Variants in AXDND1 observed in about 807,000 individuals in gnomAD.
The protein encoded by AXDND1 is axonemal dynein light chain domain containing 1.
AXDND1 carries 110 observed loss-of-function variants against 137.5 expected under a neutral mutation model. That is an observed-to-expected ratio of 0.80 (90% CI 0.69 to 0.94). The LOEUF is 0.94. Ranked by LOEUF, AXDND1 falls within the 40% of genes least tolerant of loss-of-function variation. The pLI is 0.00. For missense variants in AXDND1, 1,191 were observed against 1,169.8 expected, an observed-to-expected ratio of 1.02 and a Z score of -0.26; for synonymous variants, 414 against 399.7, an observed-to-expected ratio of 1.04 and a Z score of -0.43.
At chr1:179,404,491 GA>G (rs56804815) in intron 11 of AXDND1, among the ~76,000 whole-genome samples, 52,972 of 151,922 alleles carry the variant, frequency 0.35, 9,418 homozygotes, top group Middle Eastern at 0.44. Flanking sequence ...CAAAGTGCTG[GA>G]ATTACAGGTG....
chr1:179,471,942 T>A (rs1663990998), intron 17 of AXDND1, among the ~76,000 whole-genome samples: 1 of 152,034 alleles, frequency 6.6e-6, no homozygotes, highest in South Asian at 2.1e-4. Flanking sequence ...CCACCCAGAC[T>A]GGAGTGCAGT....
chr1:179,415,337 A>G (rs1654536508), intron 12 of AXDND1, among the ~76,000 whole-genome samples: 1 of 152,288 alleles, frequency 6.6e-6, no homozygotes, highest in East Asian at 1.9e-4. Flanking sequence ...GCGAGACTGC[A>G]TCTCAAAAAA....
At chr1:179,532,652 G>A (rs571748177) in intron 23 of AXDND1, among the ~76,000 whole-genome samples, 8 of 152,276 alleles carry the variant, frequency 5.3e-5, no homozygotes, top group Admixed American at 3.3e-4. Flanking sequence ...GGAGGCTGAG[G>A]CAGGAGGATC....
intron 16 of AXDND1, among the ~76,000 whole-genome samples, chr1:179,466,261 TTTTC>T (rs1200747172): frequency 6.7e-6 from 1 of 149,734 alleles, no homozygotes; most frequent in Admixed American, 6.7e-5. Flanking sequence ...TCCTCTTTTC[TTTTC>T]TTTCTTTCTT....
intron 16 of AXDND1, chr1:179,457,025 A>G: frequency 1.3e-6 from 2 of 1,547,052 alleles, no homozygotes; most frequent in Non-Finnish European, 1.8e-6. Flanking sequence ...TATCTTTTTC[A>G]CAGTTAAGTG....
At chr1:179,389,803 T>C (rs1238112417) in intron 9 of AXDND1, among the ~76,000 whole-genome samples, 2 of 152,182 alleles carry the variant, frequency 1.3e-5, no homozygotes, top group African/African-American at 4.8e-5. Context: ...AGTTCCTATA[T>C]TGTCAGGAGG....
chr1:179,554,381 A>T, intron 25 of AXDND1, 131 bp from the exon 26 acceptor site: 1 of 1,430,422 alleles, frequency 7.0e-7, no homozygotes, highest in East Asian at 2.3e-5. Flanking sequence ...TGGCTATAGT[A>T]CTCAGTGAAA....
At position 179,534,890 on chromosome 1, in the gene AXDND1, AAAG is replaced by A. The variant is rs141228272; in HGVS notation, c.2971_2973del (p.Glu991del). 558,395 of 1,589,416 alleles carry A rather than the reference AAAG, an allele frequency of 0.35. 95,510 individuals are homozygous for A. Among genetic ancestry groups the A allele is most frequent in the East Asian group, 0.42 (18,313 of 44,094 alleles). ...AGAAAATCAAGATGAAAGAGAAGTA[AAAG>A]AAGAAGAAGAACAACAAGAAGAAGA... On this transcript the variant is annotated inframe_deletion, in exon 25 of 26. Coordinates refer to ENST00000367618, the MANE Select transcript of AXDND1 (RefSeq NM_144696.6).
rs368809125 is a variant in AXDND1, at chr1:179,551,501, G to C, written c.3032-3011G>C. 1.2e-5 allele frequency: 19 copies of C among 1,606,132 alleles called. No homozygotes were observed. In the African/African-American group the frequency reaches 1.5e-4, roughly 12 times the overall value. ...AGTGATTGTTCTTCATTCCCTGAAG[G>C]CTTCACCACTATGCAGTATGACTCA... On this transcript the variant is annotated intron_variant, in intron 25 of 25. Transcript: ENST00000367618.
intron 21 of AXDND1, among the ~76,000 whole-genome samples, chr1:179,510,481 T>C (rs976772895): frequency 3.3e-5 from 5 of 152,142 alleles, no homozygotes; most frequent in South Asian, 2.1e-4. Flanking sequence ...TGAAGAAATA[T>C]CATCTTTCTA....
chr1:179,388,908 T>G (rs1470739829), intron 9 of AXDND1, among the ~76,000 whole-genome samples: 1 of 150,888 alleles, frequency 6.6e-6, no homozygotes, highest in African/African-American at 2.4e-5. Context: ...CCTTAAGAGT[T>G]TTGTTGGTTT....
chr1:179,424,084 C>A (rs1012302560), intron 12 of AXDND1, among the ~76,000 whole-genome samples: 2 of 152,074 alleles, frequency 1.3e-5, no homozygotes, highest in African/African-American at 4.8e-5. Flanking sequence ...ATCTCTCCTT[C>A]ATATTTAAAG....
chr1:179,528,441 T>C lies in AXDND1; in HGVS notation c.2715+10T>C, dbSNP rs144573569. On this transcript the variant is annotated intron_variant, in intron 23 of 25. Transcript: ENST00000367618. ...TGTGTTGTCTTCCTGGGTATGTATC[T>C]GAAACCCAGCTAGGGAATTCAACAC... is the stretch of plus-strand genomic sequence containing the variant. 5.1e-5 allele frequency: 81 copies of C among 1,573,098 alleles called. No homozygotes were observed. The African/African-American group carries it at 8.9e-4, about 17-fold the overall frequency.
chr1:179,512,954 CTT>C (rs1313821171), intron 21 of AXDND1, among the ~76,000 whole-genome samples: 2 of 152,058 alleles, frequency 1.3e-5, no homozygotes, highest in Non-Finnish European at 2.9e-5. Flanking sequence ...TTTCTAGGAG[CTT>C]TCTGGAGAGT....
chr1:179,443,494 T>C (rs1659300130), intron 15 of AXDND1, among the ~76,000 whole-genome samples: 1 of 152,160 alleles, frequency 6.6e-6, no homozygotes, highest in Non-Finnish European at 1.5e-5. Flanking sequence ...TCACCACCAT[T>C]CATTTCCAGG....
rs774060181 is a variant in AXDND1 at position 179,468,525 on chromosome 1, G to T, written c.1881G>T (p.Thr627=). 24 of 1,612,432 alleles carry T rather than the reference G, an allele frequency of 1.5e-5. No individual in the cohort carries two copies. Among genetic ancestry groups the T allele is most frequent in the Non-Finnish European group, 2.0e-5 (24 of 1,179,126 alleles). ...TGGAAAACCTGGAGTTTCCTGATACGCCTCTTGAAGAATGGCAGGAAATAG... is the reference window on the plus strand; with the variant it reads ...TGGAAAACCTGGAGTTTCCTGATACTCCTCTTGAAGAATGGCAGGAAATAG... The part of the protein sequence containing the change: ...FKLENLEFPD[T]PLEEWQEIDE... The change falls in exon 17 of 26, where the codon ACG becomes ACT. Residue 627 remains threonine (T), a synonymous_variant. Coordinates refer to ENST00000367618, the MANE Select transcript of AXDND1 (RefSeq NM_144696.6).
chr1:179,499,550 A>G (rs1174603697), intron 20 of AXDND1, among the ~76,000 whole-genome samples: 3 of 152,162 alleles, frequency 2.0e-5, no homozygotes, highest in East Asian at 3.8e-4. Flanking sequence ...AAAATATTCT[A>G]GGAATAGATT....
intron 25 of AXDND1, chr1:179,551,813 G>A (rs1251173529): frequency 1.4e-5 from 4 of 281,094 alleles, no homozygotes; most frequent in Non-Finnish European, 2.7e-5. Flanking sequence ...CTCAGGGAAA[G>A]TGAATGGGTA....
At chr1:179,521,020 G>A (rs536932648) in intron 21 of AXDND1, among the ~76,000 whole-genome samples, 2 of 151,564 alleles carry the variant, frequency 1.3e-5, no homozygotes, top group South Asian at 4.2e-4. Flanking sequence ...GGAGTTCAGC[G>A]GTCCAGTTAT....
Sources: gnomAD v4.1 joint callset for allele counts (sites outside exome capture counted in the v4.1 genomes callset) on GRCh38, gnomAD v4.1.1 for gene constraint, MANE v1.5 for transcripts, NCBI Gene and HGNC (gene_info 2026-07-23, HGNC 2026-07-21) for gene names.